Variants in NALF1 observed in about 807,000 individuals in gnomAD.
NALF1 encodes the protein family with sequence similarity 155 member A.
NALF1 carries 3 observed loss-of-function variants against 48.4 expected under a neutral mutation model. The ratio of observed to expected loss-of-function variants is 0.06; its 90% CI spans 0.03 to 0.16. NALF1 has a LOEUF of 0.16. NALF1 is among the 10% of genes least tolerant of loss of function. The pLI, the probability that NALF1 is intolerant of heterozygous loss-of-function variation, is 1.00. For missense variants in NALF1, 526 were observed against 571.5 expected (o/e 0.92, Z 0.81); for synonymous variants, 262 against 245.7 (o/e 1.07, Z -0.62).
chr13:107,424,050 C>T (rs114454685), intron 1 of NALF1, among the ~76,000 whole-genome samples: 1 of 151,908 alleles, frequency 6.6e-6, no homozygotes, highest in African/African-American at 2.4e-5. Context: ...GGGATGTTTG[C>T]TAAGTGTGAC....
At chr13:107,735,036 AT>A (rs1448543756) in intron 1 of NALF1, among the ~76,000 whole-genome samples, 1 of 152,108 alleles carries the variant, frequency 6.6e-6, no homozygotes, top group Non-Finnish European at 1.5e-5. Flanking sequence ...GGAGTTGCAG[AT>A]TGGAGAGCCT....
chr13:107,572,771 G>C (rs1878026016), intron 1 of NALF1, among the ~76,000 whole-genome samples: 1 of 152,076 alleles, frequency 6.6e-6, no homozygotes, highest in African/African-American at 2.4e-5. Context: ...GCATATCTAG[G>C]TCGAAAACCA....
chr13:107,186,435 G>A (rs1287373502), intron 2 of NALF1, among the ~76,000 whole-genome samples: 1 of 152,054 alleles, frequency 6.6e-6, no homozygotes, highest in Non-Finnish European at 1.5e-5. Context: ...TGGCATGATC[G>A]CGGCTCACGG....
intron 1 of NALF1, among the ~76,000 whole-genome samples, chr13:107,426,799 T>C (rs993538182): frequency 2.6e-5 from 4 of 152,176 alleles, no homozygotes; most frequent in Non-Finnish European, 5.9e-5. Flanking sequence ...TTTTCTTTTT[T>C]CTTTATTCAT....
intron 1 of NALF1, among the ~76,000 whole-genome samples, chr13:107,809,409 ACT>A (rs1321615633): frequency 2.0e-5 from 3 of 151,816 alleles, no homozygotes; most frequent in Non-Finnish European, 2.9e-5. Flanking sequence ...TACTGTAAAG[ACT>A]CTGTCTCATG....
chr13:107,639,108 G>T (rs945745331), intron 1 of NALF1, among the ~76,000 whole-genome samples: 23 of 152,254 alleles, frequency 1.5e-4, no homozygotes, highest in African/African-American at 5.3e-4. Flanking sequence ...ATGAAAAAAA[G>T]CTGCTCCTAT....
At chr13:107,265,147 T>C (rs1881013840) in intron 1 of NALF1, among the ~76,000 whole-genome samples, 1 of 152,226 alleles carries the variant, frequency 6.6e-6, no homozygotes, top group African/African-American at 2.4e-5. Flanking sequence ...ATTACAAGAT[T>C]AAGTAACTTT....
intron 1 of NALF1, among the ~76,000 whole-genome samples, chr13:107,554,423 G>T (rs1322115151): frequency 6.6e-6 from 1 of 152,192 alleles, no homozygotes; most frequent in Non-Finnish European, 1.5e-5. Context: ...GGTGAAGAAG[G>T]TTAATGCAGA....
intron 1 of NALF1, among the ~76,000 whole-genome samples, chr13:107,856,514 G>A (rs2138646560): frequency 6.6e-6 from 1 of 152,266 alleles, no homozygotes; most frequent in African/African-American, 2.4e-5. Flanking sequence ...TCTAGGGTAA[G>A]TATATATACT....
rs559455225 is a variant in NALF1 at position 107,339,592 on chromosome 13, C to G, written c.916-128837G>C. ...TACAAAAACCATACCCCAAAAGAAG[C>G]AGAGGAGTATGTGATTTCTAGGAGC... On this transcript the variant is annotated intron_variant, in intron 1 of 2. Transcript: ENST00000375915. 6.6e-5 allele frequency among the ~76,000 whole-genome samples: 10 copies of G among 152,260 alleles called. No individual in the cohort carries two copies. In the South Asian group the frequency reaches 2.1e-3, roughly 32 times the overall value.
chr13:107,537,377 T>C (rs982455159), intron 1 of NALF1, among the ~76,000 whole-genome samples: 5 of 152,168 alleles, frequency 3.3e-5, no homozygotes, highest in Admixed American at 6.5e-5. Flanking sequence ...GCTTTACTAA[T>C]ATAACTTTTT....
At chr13:107,583,315 A>T (rs1455941463) in intron 1 of NALF1, among the ~76,000 whole-genome samples, 1 of 152,178 alleles carries the variant, frequency 6.6e-6, no homozygotes, top group East Asian at 1.9e-4. Flanking sequence ...GGGTCTAAAT[A>T]AATGTTCAAA....
chr13:107,591,161 G>A (rs564037819), intron 1 of NALF1, among the ~76,000 whole-genome samples: 15 of 152,032 alleles, frequency 9.9e-5, no homozygotes, highest in African/African-American at 2.4e-4. Context: ...CAATAGTTTC[G>A]TGATGCCAAG....
At chr13:107,444,517 C>CA (rs1160374084) in intron 1 of NALF1, among the ~76,000 whole-genome samples, 2 of 152,016 alleles carry the variant, frequency 1.3e-5, no homozygotes, top group African/African-American at 2.4e-5. Flanking sequence ...TGGAATAATG[C>CA]AAAAAATCTG....
chr13:107,643,831 A>G, intron 1 of NALF1, among the ~76,000 whole-genome samples: 1 of 151,986 alleles, frequency 6.6e-6, no homozygotes, highest in East Asian at 1.9e-4. Context: ...CTGATAATTC[A>G]CTTCCTGTGC....
intron 1 of NALF1, among the ~76,000 whole-genome samples, chr13:107,284,478 C>T (rs938599491): frequency 2.0e-5 from 3 of 152,010 alleles, no homozygotes; most frequent in African/African-American, 7.2e-5. Context: ...GAACAAAGAA[C>T]TAAAAAGAAC....
chr13:107,658,056 T>C (rs564849721), intron 1 of NALF1, among the ~76,000 whole-genome samples: 8 of 152,328 alleles, frequency 5.3e-5, no homozygotes, highest in South Asian at 2.1e-4. Flanking sequence ...CCAGGGACCC[T>C]TTAAAATGCC....
chr13:107,593,540 T>G (rs191795317), intron 1 of NALF1, among the ~76,000 whole-genome samples: 1 of 151,888 alleles, frequency 6.6e-6, no homozygotes, highest in Non-Finnish European at 1.5e-5. Flanking sequence ...AAATGAACAG[T>G]GATAAACACA....
intron 1 of NALF1, among the ~76,000 whole-genome samples, chr13:107,621,865 T>A (rs1372986236): frequency 6.6e-6 from 1 of 152,088 alleles, no homozygotes; most frequent in Non-Finnish European, 1.5e-5. Context: ...GATAACTGAG[T>A]CGGGCAGGGC....
Sources: allele counts gnomAD v4.1 joint callset (sites outside exome capture counted in the v4.1 genomes callset), GRCh38; gene constraint gnomAD v4.1.1; transcripts MANE v1.5; gene names NCBI Gene and HGNC (gene_info 2026-07-23, HGNC 2026-07-21).